Variants in GPATCH2L observed in about 807,000 individuals in gnomAD.
GPATCH2L encodes the protein G patch domain-containing protein 2-like.
In GPATCH2L, 31 loss-of-function variants were observed where a neutral mutation model predicts 57.4. The ratio of observed to expected loss-of-function variants is 0.54; its 90% CI spans 0.41 to 0.73. The LOEUF (loss-of-function observed/expected upper bound fraction) is 0.73, where lower values mean the gene tolerates loss of function less well. GPATCH2L is among the 30% of genes least tolerant of loss of function. GPATCH2L has a pLI of 0.00. For missense variants in GPATCH2L, 481 were observed against 599.9 expected (o/e 0.80, Z 2.07); for synonymous variants, 199 against 210.7 (o/e 0.94, Z 0.48).
At position 76,154,794 on chromosome 14, in the gene GPATCH2L, A is replaced by T. The variant is rs1468221924; in HGVS notation, c.431A>T (p.Gln144Leu). 1 of 1,614,246 alleles carries T rather than the reference A, an allele frequency of 6.2e-7. No homozygotes were observed. ...RVTSEVAASL[Q>L]QKLKVSDWSY... is the part of the protein sequence containing the mutation. ...ACATCAGAGGTGGCTGCTAGCCTTC[A>T]GCAGAAGCTGAAGGTGTCAGATTGG... The change falls in exon 2 of 10, where the codon CAG (glutamine) becomes CTG (leucine). Residue 144 changes from glutamine to leucine, a missense_variant. Coordinates refer to ENST00000261530, the MANE Select transcript of GPATCH2L (RefSeq NM_017926.4). The surrounding 1 kb of genome is among the most constrained non-coding windows in gnomAD (Gnocchi z 4.4).
At position 76,213,061 on chromosome 14, in the gene GPATCH2L, C is replaced by T. The variant is rs1168397802; in HGVS notation, c.*11210C>T. 6.6e-6 allele frequency: 1 copy of T among 151,810 alleles called. No individual in the cohort carries two copies. The highest frequency in any genetic ancestry group is 2.4e-5 in the African/African-American group (1 of 41,298). The allele number at this position is 151,810 out of a possible 1,614,324, so 9.4% of individuals were successfully genotyped here. A position where few individuals can be genotyped will look rare whatever the true frequency, so the allele number is the denominator to read the frequency against. ...AAAAAATAAGATAAATGTCATATAA[C>T]TCAAAATATTAGGAAAAGGAATCTT... On this transcript the variant is annotated 3_prime_UTR_variant, in exon 10 of 10. Coordinates refer to ENST00000261530, the MANE Select transcript of GPATCH2L (RefSeq NM_017926.4).
intron 1 of GPATCH2L, among the ~76,000 whole-genome samples, chr14:76,222,164 T>A (rs1400024682): frequency 6.6e-6 from 1 of 152,172 alleles, no homozygotes; most frequent in Non-Finnish European, 1.5e-5. Flanking sequence ...AGGCACAGAT[T>A]ACCAATATAA....
Position 76,182,364 on chromosome 14 carries a change from A to AAG in GPATCH2L, c.1193+1516_1193+1517insGA, listed in dbSNP as rs1491182801. 6.5e-3 allele frequency among the ~76,000 whole-genome samples: 16 copies of AAG among 2,460 alleles called. 1 individual carries two copies. Among genetic ancestry groups the AAG allele is most frequent in the African/African-American group, 0.01 (14 of 1,378 alleles). The allele number at this position is 2,460 out of a possible 152,430, so 1.6% of individuals were successfully genotyped here. A position where few individuals can be genotyped will look rare whatever the true frequency, so the allele number is the denominator to read the frequency against. On this transcript the variant is annotated intron_variant, in intron 8 of 9. Transcript: ENST00000261530. ...AGAGCGAGACCCCGTCTCAGAAAAG[A>AAG]AAAAAAAAAAAAAAAAAAAAGAATG... is the stretch of plus-strand genomic sequence containing the variant.
chr14:76,181,923 TG>T (rs763909600), intron 8 of GPATCH2L, among the ~76,000 whole-genome samples: 1 of 152,230 alleles, frequency 6.6e-6, no homozygotes, highest in African/African-American at 2.4e-5. Flanking sequence ...GTTACTTTCA[TG>T]GATACAGTTA....
Position 76,213,738 on chromosome 14 carries a change from G to T in GPATCH2L, c.*11887G>T, listed in dbSNP as rs1239976053. 3.3e-5 allele frequency: 5 copies of T among 152,152 alleles called. No individual in the cohort carries two copies. Among genetic ancestry groups the T allele is most frequent in the African/African-American group, 1.2e-4 (5 of 41,434 alleles). 9.4% of individuals were successfully genotyped at this position (152,152 alleles called of 1,614,324 possible). ...ACTTAACAGAAAATCTGCAAAAATA[G>T]ATTTCCTGTGTGCCCTTCTCTCAGC... On this transcript the variant is annotated 3_prime_UTR_variant, in exon 10 of 10. Transcript: ENST00000261530.
Position 76,154,556 on chromosome 14 carries a change from T to A in GPATCH2L, c.193T>A (p.Ser65Thr). ...GCATACCTGCTGCTACAGCGAGGCCTCTGAGTCAAGTCTGGATGAGGCCAC... is the reference window on the plus strand; with the variant it reads ...GCATACCTGCTGCTACAGCGAGGCCACTGAGTCAAGTCTGGATGAGGCCAC... Reference protein sequence around the residue: ...AEHTCCYSEASESSLDEATKD... With the variant: ...AEHTCCYSEATESSLDEATKD... The change falls in exon 2 of 10, where the codon TCT becomes ACT. Residue 65 changes from serine to threonine, a missense_variant. Ser to Thr is a moderately conservative substitution (Grantham distance 58). Coordinates refer to ENST00000261530, the MANE Select transcript of GPATCH2L (RefSeq NM_017926.4). The surrounding 1 kb of genome is among the most constrained non-coding windows in gnomAD (Gnocchi z 4.4). The A allele has an allele frequency of 6.2e-7, 1 of 1,614,228 alleles. No individual in the cohort carries two copies. The highest frequency in any genetic ancestry group is 8.5e-7 in the Non-Finnish European group (1 of 1,180,034).
chr14:76,231,204 T>C (rs72729620), intron 2 of GPATCH2L, among the ~76,000 whole-genome samples: 10,216 of 152,264 alleles, frequency 0.067, 365 homozygotes, highest in African/African-American at 0.075. Flanking sequence ...ACTCAAGACC[T>C]CCTTGCCTCC....
At chr14:76,181,886 C>A (rs2039572195) in intron 8 of GPATCH2L, among the ~76,000 whole-genome samples, 1 of 152,120 alleles carries the variant, frequency 6.6e-6, no homozygotes, top group African/African-American at 2.4e-5. Flanking sequence ...ATGTTCATAG[C>A]TTTTGAGGTT....
Sources: allele counts gnomAD v4.1 joint callset (sites outside exome capture counted in the v4.1 genomes callset), GRCh38; gene constraint gnomAD v4.1.1; non-coding constraint Gnocchi (gnomAD v3.1); transcripts MANE v1.5; gene names NCBI Gene and HGNC (gene_info 2026-07-23, HGNC 2026-07-21).